The following RIN3 variants were observed in gnomAD, a reference collection of about 807,000 sequenced individuals.
The protein encoded by RIN3 is RAB5 interacting protein 3.
RIN3 carries 54 observed loss-of-function variants against 76.3 expected under a neutral mutation model. The ratio of observed to expected loss-of-function variants is 0.71; its 90% CI spans 0.57 to 0.89. RIN3 has a LOEUF of 0.89. Ranked by LOEUF, RIN3 falls within the 40% of genes least tolerant of loss-of-function variation. The pLI is 0.00. For missense variants in RIN3, 1,256 were observed against 1,322.1 expected, an observed-to-expected ratio of 0.95 and a Z score of 0.78; for synonymous variants, 576 against 564.0, an observed-to-expected ratio of 1.02 and a Z score of -0.30.
intron 1 of RIN3, among the ~76,000 whole-genome samples, chr14:92,541,076 A>C (rs919902239): frequency 2.6e-5 from 4 of 152,226 alleles, no homozygotes; most frequent in Non-Finnish European, 5.9e-5. Flanking sequence ...TATTTGTATT[A>C]AGAGGCTGCT....
chr14:92,671,080 G>A (rs1566898020), intron 7 of RIN3, among the ~76,000 whole-genome samples: 1 of 152,170 alleles, frequency 6.6e-6, no homozygotes, highest in African/African-American at 2.4e-5. Context: ...AGCAGCCTAC[G>A]TCCCAAGCCT....
intron 7 of RIN3, 79 bp downstream of exon 7, chr14:92,659,548 A>G: frequency 5.1e-6 from 7 of 1,371,058 alleles, no homozygotes; most frequent in Non-Finnish European, 6.9e-6. Flanking sequence ...CCAGGACTCC[A>G]GAGCCCTTGG....
intron 8 of RIN3, among the ~76,000 whole-genome samples, chr14:92,676,975 A>G (rs1289875397): frequency 6.6e-6 from 1 of 151,960 alleles, no homozygotes; most frequent in Non-Finnish European, 1.5e-5. Context: ...AAAAGGGAAA[A>G]GGCAGTCTTT....
Position 92,688,243 on chromosome 14 carries a change from C to T in RIN3, c.2949C>T (p.Asn983=). The part of the protein sequence containing the change: ...SPPCLVVREP[N]FL ...CCTGCCTGGTGGTGCGGGAGCCCAA[C>T]TTCCTGTGAGGCCCTCCCGGGGCGC... The change falls in exon 10 of 10, where the codon AAC becomes AAT. Residue 983 remains asparagine (N), a synonymous_variant. Transcript: ENST00000216487. The T allele has an allele frequency of 6.3e-7, 1 of 1,587,888 alleles. No individual in the cohort carries two copies. The highest frequency in any genetic ancestry group is 1.1e-5 in the South Asian group (1 of 89,566).
At chr14:92,535,334 C>CTTTTTTTTTTTTTTTTTTTTTTTTT (rs5810602) in intron 1 of RIN3, among the ~76,000 whole-genome samples, 1 of 130,022 alleles carries the variant, frequency 7.7e-6, no homozygotes, top group African/African-American at 3.0e-5. Context: ...TTCTTTCTTT[C>CTTTTTTTTTTTTTTTTTTTTTTTTT]TTTTTTTTTT....
intron 1 of RIN3, among the ~76,000 whole-genome samples, chr14:92,526,427 C>T (rs917618756): frequency 6.6e-6 from 1 of 151,550 alleles, no homozygotes; most frequent in Non-Finnish European, 1.5e-5. Context: ...CCACTGCACT[C>T]CAGCCTGAGT....
At chr14:92,588,083 A>G (rs1022899260) in intron 3 of RIN3, among the ~76,000 whole-genome samples, 2 of 152,104 alleles carry the variant, frequency 1.3e-5, no homozygotes, top group Admixed American at 1.3e-4. Flanking sequence ...TCAGAGTCTT[A>G]ATCCCATCCA....
chr14:92,677,914 G>A (rs12892944), intron 8 of RIN3, among the ~76,000 whole-genome samples: 43,491 of 138,318 alleles, frequency 0.31, 7,030 homozygotes, highest in Middle Eastern at 0.41. Flanking sequence ...CCACCCATCC[G>A]TCATCCATCC....
At chr14:92,635,935 G>T (rs1040825193) in intron 4 of RIN3, among the ~76,000 whole-genome samples, 3 of 152,174 alleles carry the variant, frequency 2.0e-5, no homozygotes, top group Non-Finnish European at 4.4e-5. Context: ...GGATCCAGTG[G>T]CAATTAGGAA....
At chr14:92,676,665 C>G in intron 8 of RIN3, 59 bp downstream of exon 8, 1 of 1,581,970 alleles carries the variant, frequency 6.3e-7, no homozygotes, top group South Asian at 1.1e-5. Context: ...AGCCACGCCA[C>G]GGGCACTCTA....
At chr14:92,687,011 A>C (rs531659113) in intron 9 of RIN3, 6 of 152,372 alleles carry the variant, frequency 3.9e-5, no homozygotes, top group African/African-American at 1.4e-4. Context: ...GTCTCCGCCG[A>C]GCCGGGATCC....
At chr14:92,565,776 C>T (rs12437355) in intron 2 of RIN3, among the ~76,000 whole-genome samples, 33,266 of 152,098 alleles carry the variant, frequency 0.22, 4,090 homozygotes, top group Middle Eastern at 0.28. Flanking sequence ...GGGCCGGCTT[C>T]TTTACCACAT....
At chr14:92,604,741 C>T (rs1742824439) in intron 3 of RIN3, among the ~76,000 whole-genome samples, 1 of 151,826 alleles carries the variant, frequency 6.6e-6, no homozygotes, top group African/African-American at 2.4e-5. Flanking sequence ...CTCGCCCTAC[C>T]AACCAAATGT....
chr14:92,613,756 A>C (rs1885840139), intron 3 of RIN3, among the ~76,000 whole-genome samples: 1 of 152,220 alleles, frequency 6.6e-6, no homozygotes, highest in Non-Finnish European at 1.5e-5. Context: ...TTCCAGGCTC[A>C]GAGCCAGACC....
rs1031133721 is a variant in RIN3, at chr14:92,651,636, C to T, written c.587C>T (p.Pro196Leu). The T allele has an allele frequency of 2.5e-6, 4 of 1,613,514 alleles. No individual in the cohort carries two copies. The African/African-American group carries it at 5.3e-5, about 22-fold the overall frequency. ...PPQERGKPAE[P>L]PRDRAPGFPL... is the part of the protein sequence containing the mutation. ...CAAGAAAGAGGGAAGCCAGCAGAGC[C>T]CCCAAGAGACCGGGCCCCCGGATTC... Residue 196 changes from proline (P) to leucine (L), a missense_variant, in exon 6 of 10, where the codon CCC becomes CTC. Around this residue, in one of 3 missense-constraint regions of RIN3, gnomAD observed 610 missense variants for 626.4 expected, o/e 0.97. Transcript: ENST00000216487.
intron 2 of RIN3, among the ~76,000 whole-genome samples, chr14:92,559,465 C>T (rs1897700578): frequency 6.6e-6 from 1 of 152,164 alleles, no homozygotes; most frequent in Non-Finnish European, 1.5e-5. Context: ...TCAACCAGTG[C>T]TGGATGGGTT....
intron 2 of RIN3, among the ~76,000 whole-genome samples, chr14:92,557,666 C>T (rs1043761143): frequency 1.3e-5 from 2 of 152,190 alleles, no homozygotes; most frequent in African/African-American, 2.4e-5. Context: ...ACTGTGGTGG[C>T]CTGGAAGCAC....
chr14:92,585,254 A>G (rs1388382987), intron 3 of RIN3, among the ~76,000 whole-genome samples: 1 of 151,934 alleles, frequency 6.6e-6, no homozygotes, highest in African/African-American at 2.4e-5. Flanking sequence ...AAAGTGCTGG[A>G]TTTACATTTT....
At chr14:92,530,579 G>T (rs968408755) in intron 1 of RIN3, among the ~76,000 whole-genome samples, 1 of 151,756 alleles carries the variant, frequency 6.6e-6, no homozygotes, top group Non-Finnish European at 1.5e-5. Flanking sequence ...TACAGGCGAG[G>T]AAACTGAGGC....
Sources: gnomAD v4.1 joint callset for allele counts (sites outside exome capture counted in the v4.1 genomes callset) on GRCh38, gnomAD v4.1.1 for gene constraint, gnomAD v4.1.1 regional missense constraint, MANE v1.5 for transcripts, NCBI Gene and HGNC (gene_info 2026-07-23, HGNC 2026-07-21) for gene names.